CDH12: variants seen among roughly 807,000 people sequenced by gnomAD.
The protein encoded by CDH12 is cadherin-12.
In CDH12, 41 loss-of-function variants were observed where a neutral mutation model predicts 74.1. That is an observed-to-expected ratio of 0.55 (90% CI 0.43 to 0.72). The LOEUF (loss-of-function observed/expected upper bound fraction) is 0.72. CDH12 is among the 30% of genes least tolerant of loss of function. CDH12 has a pLI of 0.00. For missense variants in CDH12, 945 were observed against 977.2 expected (o/e 0.97, Z 0.44); for synonymous variants, 399 against 355.0 (o/e 1.12, Z -1.39).
intron 2 of CDH12, among the ~76,000 whole-genome samples, chr5:22,417,330 G>A (rs1743440614): frequency 6.6e-6 from 1 of 152,222 alleles, no homozygotes; most frequent in African/African-American, 2.4e-5. Flanking sequence ...TAGGTTATGA[G>A]GGTCGTGCCT....
intron 6 of CDH12, among the ~76,000 whole-genome samples, chr5:21,949,967 C>T (rs915643519): frequency 1.6e-4 from 25 of 152,116 alleles, no homozygotes; most frequent in African/African-American, 5.6e-4. Context: ...TAGGCATTTA[C>T]GCTCACTCAC....
intron 3 of CDH12, among the ~76,000 whole-genome samples, chr5:22,258,373 C>G (rs910754930): frequency 1.3e-4 from 20 of 152,150 alleles, no homozygotes; most frequent in Non-Finnish European, 2.2e-4. Flanking sequence ...CTGTGGAGTT[C>G]AGAGAGTCTG....
intron 1 of CDH12, among the ~76,000 whole-genome samples, chr5:22,606,052 G>A (rs1297836938): frequency 6.6e-6 from 1 of 152,166 alleles, no homozygotes; most frequent in Non-Finnish European, 1.5e-5. Flanking sequence ...ATTGTCCAGA[G>A]GCAGAAGGAA....
intron 1 of CDH12, among the ~76,000 whole-genome samples, chr5:22,607,597 C>A (rs1375452952): frequency 6.6e-6 from 1 of 152,216 alleles, no homozygotes; most frequent in East Asian, 1.9e-4. Context: ...GGGTCCCTCC[C>A]ACAACACGTG....
At chr5:22,476,495 C>A (rs1233982853) in intron 2 of CDH12, among the ~76,000 whole-genome samples, 1 of 151,872 alleles carries the variant, frequency 6.6e-6, no homozygotes, top group Non-Finnish European at 1.5e-5. Flanking sequence ...CCTTTTTCTC[C>A]CAAATTAATA....
chr5:22,047,819 C>T (rs755198832), intron 5 of CDH12, among the ~76,000 whole-genome samples: 66 of 152,166 alleles, frequency 4.3e-4, no homozygotes, highest in Non-Finnish European at 8.2e-4. Context: ...TTTAACTACT[C>T]AGTGTCCTAC....
intron 4 of CDH12, among the ~76,000 whole-genome samples, chr5:22,081,577 C>A (rs1280432638): frequency 2.0e-5 from 3 of 152,132 alleles, no homozygotes; most frequent in Admixed American, 6.6e-5. Flanking sequence ...CCTTCCTGTT[C>A]TATTAAACCT....
intron 2 of CDH12, among the ~76,000 whole-genome samples, chr5:22,500,570 T>C (rs1268353649): frequency 2.6e-5 from 4 of 152,204 alleles, no homozygotes; most frequent in Admixed American, 2.6e-4. Flanking sequence ...GGGCCTCTTT[T>C]TAATCAACTT....
intron 1 of CDH12, among the ~76,000 whole-genome samples, chr5:22,705,930 G>A (rs945767326): frequency 1.7e-4 from 26 of 151,970 alleles, no homozygotes; most frequent in African/African-American, 5.8e-4. Flanking sequence ...TGAATGGAAA[G>A]ATGTTCCTAT....
At chr5:22,421,860 A>G (rs958411134) in intron 2 of CDH12, among the ~76,000 whole-genome samples, 1 of 152,068 alleles carries the variant, frequency 6.6e-6, no homozygotes, top group Non-Finnish European at 1.5e-5. Context: ...TTGTTTACTG[A>G]CTTTTTAATG....
At chr5:22,685,378 C>A (rs950694722) in intron 1 of CDH12, among the ~76,000 whole-genome samples, 1 of 152,142 alleles carries the variant, frequency 6.6e-6, no homozygotes, top group Non-Finnish European at 1.5e-5. Context: ...GCTGGGACTA[C>A]AGGCATATGC....
chr5:22,491,498 G>T (rs1273648710), intron 2 of CDH12, among the ~76,000 whole-genome samples: 1 of 151,086 alleles, frequency 6.6e-6, no homozygotes, highest in Non-Finnish European at 1.5e-5. Context: ...ACATATCAAA[G>T]ACTAGATGGC....
chr5:22,660,002 A>T (rs1215971328), intron 1 of CDH12, among the ~76,000 whole-genome samples: 1 of 152,158 alleles, frequency 6.6e-6, no homozygotes, highest in African/African-American at 2.4e-5. Context: ...ACTGGCTAGG[A>T]TCTAGTCCAG....
chr5:22,456,473 G>T (rs1011002896), intron 2 of CDH12, among the ~76,000 whole-genome samples: 4 of 151,958 alleles, frequency 2.6e-5, no homozygotes. Context: ...AACAGTTTTA[G>T]ATATTCTACT....
intron 1 of CDH12, among the ~76,000 whole-genome samples, chr5:22,665,064 C>T (rs1253567782): frequency 6.6e-6 from 1 of 152,088 alleles, no homozygotes; most frequent in African/African-American, 2.4e-5. Flanking sequence ...AAGTAATCCT[C>T]CCTCCTCAGC....
chr5:22,830,221 A>C (rs537056874), intron 1 of CDH12, among the ~76,000 whole-genome samples: 1 of 152,282 alleles, frequency 6.6e-6, no homozygotes, highest in Admixed American at 6.5e-5. Context: ...TCTATTCTAA[A>C]GATGGGATTA....
chr5:22,371,625 AGT>A (rs1741296712), intron 3 of CDH12, among the ~76,000 whole-genome samples: 2 of 152,170 alleles, frequency 1.3e-5, no homozygotes, highest in Admixed American at 1.3e-4. Context: ...GCTTTTTATT[AGT>A]ATGTTAGTTA....
intron 1 of CDH12, among the ~76,000 whole-genome samples, chr5:22,768,122 A>G (rs1027251595): frequency 2.0e-5 from 3 of 152,032 alleles, no homozygotes; most frequent in Admixed American, 6.6e-5. Context: ...ACTCAAATCA[A>G]TTCCTACTCA....
chr5:22,030,102 G>A (rs538586780), intron 5 of CDH12, among the ~76,000 whole-genome samples: 2 of 149,698 alleles, frequency 1.3e-5, no homozygotes, highest in African/African-American at 4.9e-5. Context: ...ATCACACTCT[G>A]GGGACGGTTG....
Sources: allele counts gnomAD v4.1 joint callset (sites outside exome capture counted in the v4.1 genomes callset), GRCh38; gene constraint gnomAD v4.1.1; transcripts MANE v1.5; gene names NCBI Gene and HGNC (gene_info 2026-07-23, HGNC 2026-07-21).